KIRREL1: variants seen among roughly 807,000 people sequenced by gnomAD.
The protein encoded by KIRREL1 is kirre like nephrin family adhesion molecule 1.
KIRREL1 carries 25 observed loss-of-function variants against 83.3 expected under a neutral mutation model. The ratio of observed to expected loss-of-function variants is 0.30; its 90% CI spans 0.22 to 0.42. The LOEUF (loss-of-function observed/expected upper bound fraction) is 0.42. Ranked by LOEUF, KIRREL1 falls within the 10% of genes least tolerant of loss-of-function variation. The pLI, the probability that KIRREL1 is intolerant of heterozygous loss-of-function variation, is 1.00. For synonymous variants in KIRREL1, 388 were observed against 410.4 expected (o/e 0.95, Z 0.66); for missense variants, 812 against 1,032.3 (o/e 0.79, Z 2.92).
intron 1 of KIRREL1, among the ~76,000 whole-genome samples, chr1:158,071,640 G>A (rs892575533): frequency 1.3e-5 from 2 of 151,992 alleles, no homozygotes; most frequent in African/African-American, 4.8e-5. Flanking sequence ...CCTGGCCCCC[G>A]GGAGGCCACC....
rs115878210 is a variant in KIRREL1 at position 158,035,953 on chromosome 1, A to T, written c.53-40160A>T. On this transcript the variant is annotated intron_variant, in intron 1 of 14. Transcript: ENST00000359209. ...ACAGAACTACACAGAGCCAGGGGGA[A>T]CTGGTATTTCCAGGGGTGGATTTAT... Among the ~76,000 whole-genome samples the T allele has an allele frequency of 5.0e-3, 765 of 152,360 alleles. 4 individuals are homozygous for T. Among genetic ancestry groups the T allele is most frequent in the African/African-American group, 0.018 (739 of 41,586 alleles).
intron 1 of KIRREL1, among the ~76,000 whole-genome samples, chr1:158,039,940 T>C (rs1301881796): frequency 2.6e-5 from 4 of 152,184 alleles, no homozygotes; most frequent in Non-Finnish European, 5.9e-5. Flanking sequence ...GTTTTTTGTT[T>C]TTTGGCAACC....
At position 158,096,487 on chromosome 1, in the gene KIRREL1, C is replaced by A; in HGVS notation, c.*1367C>A. ...GTGTGGGGAGTGGGTACTTGTGAGC[C>A]TCGGACACACTGTTAAGTGTTACAG... On this transcript the variant is annotated 3_prime_UTR_variant, in exon 15 of 15. Coordinates refer to ENST00000359209, the MANE Select transcript of KIRREL1 (RefSeq NM_018240.7). The A allele has an allele frequency of 2.3e-6, 1 of 426,954 alleles. No individual in the cohort carries two copies. The highest frequency in any genetic ancestry group is 4.8e-6 in the Non-Finnish European group (1 of 209,580). The allele number at this position is 426,954 out of a possible 1,614,324, so 26.4% of individuals were successfully genotyped here.
chr1:158,006,354 C>T (rs1198889279), intron 1 of KIRREL1, among the ~76,000 whole-genome samples: 10 of 152,172 alleles, frequency 6.6e-5, no homozygotes, highest in Admixed American at 6.5e-4. Flanking sequence ...CCTGCTCCTG[C>T]ATGGAAATTG....
At chr1:158,067,980 C>T (rs1469427256) in intron 1 of KIRREL1, among the ~76,000 whole-genome samples, 1 of 152,196 alleles carries the variant, frequency 6.6e-6, no homozygotes, top group Non-Finnish European at 1.5e-5. Flanking sequence ...CTACCATACC[C>T]CCAGCCTTAG....
intron 1 of KIRREL1, among the ~76,000 whole-genome samples, chr1:158,032,341 A>G (rs1660350820): frequency 6.6e-6 from 1 of 151,974 alleles, no homozygotes; most frequent in African/African-American, 2.4e-5. Context: ...CAGGGAGATG[A>G]GGTTGGGGTA....
At chr1:158,057,626 TA>T (rs895342428) in intron 1 of KIRREL1, among the ~76,000 whole-genome samples, 3 of 152,192 alleles carry the variant, frequency 2.0e-5, no homozygotes, top group African/African-American at 7.2e-5. Context: ...AGATGTGTAA[TA>T]TTTTTTTGGG....
intron 1 of KIRREL1, among the ~76,000 whole-genome samples, chr1:157,996,878 C>G (rs1428461042): frequency 6.6e-6 from 1 of 152,126 alleles, no homozygotes; most frequent in Non-Finnish European, 1.5e-5. Flanking sequence ...GCCCTGGGCC[C>G]CAGAGCACCT....
chr1:158,018,378 G>C (rs1659897775), intron 1 of KIRREL1, among the ~76,000 whole-genome samples: 1 of 152,162 alleles, frequency 6.6e-6, no homozygotes, highest in Non-Finnish European at 1.5e-5. Flanking sequence ...AACTGATGTA[G>C]AGGGCTGGTG....
At chr1:158,028,792 G>A (rs1660240762) in intron 1 of KIRREL1, among the ~76,000 whole-genome samples, 1 of 152,038 alleles carries the variant, frequency 6.6e-6, no homozygotes, top group East Asian at 1.9e-4. Flanking sequence ...TTTCATAGGT[G>A]CACAAGCTAA....
At chr1:157,993,780 G>A (rs1571518621) in intron 1 of KIRREL1, 52 bp downstream of exon 1, 3 of 1,268,230 alleles carry the variant, frequency 2.4e-6, no homozygotes, top group South Asian at 1.6e-5. Flanking sequence ...CGGGGCCGGG[G>A]CACTGCTTCC....
In KIRREL1 at chr1:158,094,273, G is replaced by A; in HGVS notation, c.1720-40G>A. ...GGTTGGTGAGGGGCGAAAAGAGCAG[G>A]GCTTCCGTCTGCTGACGTCCCACTC... On this transcript the variant is annotated intron_variant, in intron 13 of 14. Coordinates refer to ENST00000359209, the MANE Select transcript of KIRREL1 (RefSeq NM_018240.7). The surrounding 1 kb of genome is among the most constrained non-coding windows in gnomAD (Gnocchi z 4.6). The A allele has an allele frequency of 1.3e-6, 2 of 1,555,020 alleles. No individual in the cohort carries two copies. The highest frequency in any genetic ancestry group is 1.8e-6 in the Non-Finnish European group (2 of 1,142,658).
rs1230435412 is a variant in KIRREL1, at chr1:158,086,798, TGTTTGAGAAGCACACTCTTA to T, written c.661+62_661+81del. ...GAGCAGGGGGGTGGAAGAAGGGGTG[TGTTTGAGAAGCACACTCTTA>T]GTTTGAGAAACACAAACTAAGAGTC... is the stretch of plus-strand genomic sequence containing the variant. On this transcript the variant is annotated intron_variant, in intron 5 of 14. Coordinates refer to ENST00000359209, the MANE Select transcript of KIRREL1 (RefSeq NM_018240.7). 8.7e-6 allele frequency: 13 copies of T among 1,491,582 alleles called. No individual in the cohort carries two copies. In the Admixed American group the frequency reaches 1.2e-4, roughly 14 times the overall value. 92.4% of individuals were successfully genotyped at this position (1,491,582 alleles called of 1,614,324 possible). A position where few individuals can be genotyped will look rare whatever the true frequency, so the allele number is the denominator to read the frequency against.
chr1:158,057,357 T>C (rs12120293), intron 1 of KIRREL1, among the ~76,000 whole-genome samples: 12,410 of 152,234 alleles, frequency 0.082, 735 homozygotes, highest in Non-Finnish European at 0.12. Flanking sequence ...ACTAACCCTT[T>C]AGGGCCCTTG....
chr1:158,020,480 G>C (rs1659974111), intron 1 of KIRREL1, among the ~76,000 whole-genome samples: 1 of 151,562 alleles, frequency 6.6e-6, no homozygotes, highest in African/African-American at 2.4e-5. Context: ...GGGTTGTTAA[G>C]CTCCTGCACT....
At chr1:158,018,771 G>GAA (rs1332430535) in intron 1 of KIRREL1, among the ~76,000 whole-genome samples, 5 of 152,164 alleles carry the variant, frequency 3.3e-5, no homozygotes, top group African/African-American at 9.7e-5. Context: ...GGGTCGATGG[G>GAA]CCAGTTTGAG....
Position 158,092,232 on chromosome 1 carries a change from C to T in KIRREL1, c.1471+676C>T, listed in dbSNP as rs1662219487. 2.0e-5 allele frequency among the ~76,000 whole-genome samples: 3 copies of T among 151,992 alleles called. No homozygotes were observed. The South Asian group carries it at 6.2e-4, about 32-fold the overall frequency. ...TTGACTTTTTTGGAAGCTACCAAGTCCAAGGAGGAAAAGATAGCATTTTTT... is the reference window on the plus strand; with the variant it reads ...TTGACTTTTTTGGAAGCTACCAAGTTCAAGGAGGAAAAGATAGCATTTTTT... On this transcript the variant is annotated intron_variant, in intron 11 of 14. Coordinates refer to ENST00000359209, the MANE Select transcript of KIRREL1 (RefSeq NM_018240.7).
chr1:158,038,309 G>A (rs1335752610), intron 1 of KIRREL1, among the ~76,000 whole-genome samples: 5 of 152,150 alleles, frequency 3.3e-5, no homozygotes, highest in East Asian at 3.8e-4. Flanking sequence ...TCACTGTAAT[G>A]AGGCTTTGCT....
At chr1:158,058,043 C>T (rs1314173212) in intron 1 of KIRREL1, among the ~76,000 whole-genome samples, 2 of 152,082 alleles carry the variant, frequency 1.3e-5, no homozygotes, top group African/African-American at 2.4e-5. Context: ...TGGGGGCTTG[C>T]GATTTTCTGG....
Sources: gnomAD v4.1 joint callset for allele counts (sites outside exome capture counted in the v4.1 genomes callset) on GRCh38, gnomAD v4.1.1 for gene constraint, Gnocchi (gnomAD v3.1) non-coding constraint, MANE v1.5 for transcripts, NCBI Gene and HGNC (gene_info 2026-07-23, HGNC 2026-07-21) for gene names.